SIGLEC12: variants seen among roughly 807,000 people sequenced by gnomAD.
The protein encoded by SIGLEC12 is sialic acid-binding Ig-like lectin 12.
In SIGLEC12, 43 loss-of-function variants were observed where a neutral mutation model predicts 54.1. The observed-to-expected ratio is 0.80, with a 90% CI of 0.62 to 1.03. SIGLEC12 has a LOEUF of 1.03. SIGLEC12 is among the 50% of genes least tolerant of loss of function. SIGLEC12 has a pLI of 0.00. For synonymous variants in SIGLEC12, 357 were observed against 307.6 expected, an observed-to-expected ratio of 1.16 and a Z score of -1.68; for missense variants, 802 against 735.2, an observed-to-expected ratio of 1.09 and a Z score of -1.05.
Position 51,498,081 on chromosome 19 carries a change from C to A in SIGLEC12, c.1342G>T (p.Ala448Ser), listed in dbSNP as rs1201167300. The change falls in exon 5 of 8, where the codon GCT becomes TCT. Residue 448 changes from alanine to serine, a missense_variant. Transcript: ENST00000291707. ...VKDEGEFTCR[A>S]QNPLGSQHIS... ...TGCTGGGAGCCTAGAGGGTTCTGAG[C>A]TCGGCAGGTGAATTCCCCTTCATCC... 1.9e-6 allele frequency: 3 copies of A among 1,614,124 alleles called. No individual in the cohort carries two copies. The highest frequency in any genetic ancestry group is 2.5e-6 in the Non-Finnish European group (3 of 1,180,046).
chr19:51,500,903 A>G (rs1990375598), intron 1 of SIGLEC12, among the ~76,000 whole-genome samples: 1 of 151,942 alleles, frequency 6.6e-6, no homozygotes, highest in South Asian at 2.1e-4. Flanking sequence ...GGGAGGACTT[A>G]ACCCCCCAGG....
rs747328721 is a variant in SIGLEC12, at chr19:51,495,169, G to GTGGA, written c.1599+1707_1599+1710dup. On this transcript the variant is annotated intron_variant, in intron 7 of 7. Transcript: ENST00000291707. The stretch of plus-strand genomic sequence containing the variant: ...GATGGATGGATGGACGGGTGGGTGG[G>GTGGA]TGGATGGATGGATGGATGGATGGAT... Among the ~76,000 whole-genome samples the GTGGA allele has an allele frequency of 2.7e-3, 268 of 99,732 alleles. 9 individuals are homozygous for GTGGA. Among genetic ancestry groups the GTGGA allele is most frequent in the South Asian group, 8.5e-3 (20 of 2,354 alleles). The allele number at this position is 99,732 out of a possible 152,430, so 65.4% of individuals were successfully genotyped here.
rs781156649 is a variant in SIGLEC12, at chr19:51,501,719, C to G, written c.15G>C (p.Leu5=). ...CACAGAGCAGGGGTGGCAGCAGTAG[C>G]AGCAGCAGTAGCATGTGTCGGGTTG... MLLL[L]LLLPPLLCGR... The change falls in exon 1 of 8, where the codon CTG becomes CTC. Residue 5 remains leucine, a synonymous_variant. Coordinates refer to ENST00000291707, the MANE Select transcript of SIGLEC12 (RefSeq NM_053003.4). 7.5e-6 allele frequency: 12 copies of G among 1,607,824 alleles called. No individual in the cohort carries two copies. The highest frequency in any genetic ancestry group is 5.0e-5 in the Admixed American group (3 of 59,622).
Position 51,497,457 on chromosome 19 carries a change from T to C in SIGLEC12, c.1406-12A>G. The C allele has an allele frequency of 6.2e-7, 1 of 1,600,554 alleles. No homozygotes were observed. Among genetic ancestry groups the C allele is most frequent in the African/African-American group, 1.3e-5 (1 of 74,692 alleles). On this transcript the variant is annotated splice_polypyrimidine_tract_variant and intron_variant, in intron 5 of 7. Coordinates refer to ENST00000291707, the MANE Select transcript of SIGLEC12 (RefSeq NM_053003.4). ...AGGCCTCATTTTGCCTGAGGATGGA[T>C]TGGAGTTGTTTTGGGGTTTACCCTC...
At position 51,495,249 on chromosome 19, in the gene SIGLEC12, ACGGGTGGGTGGG is replaced by A. The variant is rs1435236318; in HGVS notation, c.1599+1619_1599+1630del. On this transcript the variant is annotated intron_variant, in intron 7 of 7. Coordinates refer to ENST00000291707, the MANE Select transcript of SIGLEC12 (RefSeq NM_053003.4). ...GATGGATGGATGGATGGATGGATGG[ACGGGTGGGTGGG>A]TGGATGGATGGATGGATGGATGGAT... is the stretch of plus-strand genomic sequence containing the variant. 1.3e-3 allele frequency among the ~76,000 whole-genome samples: 166 copies of A among 127,406 alleles called. 2 individuals are homozygous for A. Among genetic ancestry groups the A allele is most frequent in the African/African-American group, 1.8e-3 (60 of 33,672 alleles). The allele number at this position is 127,406 out of a possible 152,430, so 83.6% of individuals were successfully genotyped here. A position where few individuals can be genotyped will look rare whatever the true frequency, so the allele number is the denominator to read the frequency against.
intron 1 of SIGLEC12, 139 bp downstream of exon 1, chr19:51,501,168 G>A (rs1599957800): frequency 2.2e-6 from 2 of 902,048 alleles, no homozygotes; most frequent in East Asian, 4.9e-5. Context: ...TGCGGTCCTG[G>A]GGAAGCTCAG....
intron 7 of SIGLEC12, among the ~76,000 whole-genome samples, chr19:51,495,815 GA>G (rs1990228202): frequency 6.6e-6 from 1 of 152,080 alleles, no homozygotes; most frequent in South Asian, 2.1e-4. Context: ...TCTGCTACTC[GA>G]AACCTTCCAC....
At chr19:51,500,993 G>A (rs181542265) in intron 1 of SIGLEC12, among the ~76,000 whole-genome samples, 1 of 152,114 alleles carries the variant, frequency 6.6e-6, no homozygotes, top group South Asian at 2.1e-4. Flanking sequence ...GGAGAGGCCT[G>A]GGATGGTGCT....
chr19:51,501,288 C>G lies in SIGLEC12; in HGVS notation c.427+19G>C, dbSNP rs751349659. 6 of 1,612,894 alleles carry G rather than the reference C, an allele frequency of 3.7e-6. No individual in the cohort carries two copies. In the East Asian group the frequency reaches 6.7e-5, roughly 18 times the overall value. On this transcript the variant is annotated intron_variant, in intron 1 of 7. Coordinates refer to ENST00000291707, the MANE Select transcript of SIGLEC12 (RefSeq NM_053003.4). ...CTCATCACATTTGCCTTTGGCCTCT[C>G]TTGGAGCCCGTGCCTTACCTGTCAC... is the stretch of plus-strand genomic sequence containing the variant.
rs536992765 is a variant in SIGLEC12, at chr19:51,500,117, G to A, written c.611C>T (p.Ala204Val). ...CACTTTTCCACTTGGGGTGTTTGTG[G>A]CCACTGGAATATCCCATGGTATATC... ...GADIPWDIPVATNTPSGKVQE... is the reference protein window; with the variant it reads ...GADIPWDIPVVTNTPSGKVQE... The change falls in exon 2 of 8, where the codon GCC becomes GTC. Residue 204 changes from alanine to valine, a missense_variant. Coordinates refer to ENST00000291707, the MANE Select transcript of SIGLEC12 (RefSeq NM_053003.4). 6.2e-7 allele frequency: 1 copy of A among 1,614,120 alleles called. No homozygotes were observed. The highest frequency in any genetic ancestry group is 8.5e-7 in the Non-Finnish European group (1 of 1,180,016).
intron 7 of SIGLEC12, among the ~76,000 whole-genome samples, chr19:51,493,901 C>T (rs1326991872): frequency 1.3e-5 from 2 of 152,250 alleles, no homozygotes; most frequent in African/African-American, 2.4e-5. Flanking sequence ...ATCATGGTCT[C>T]TTGCACAAAA....
intron 4 of SIGLEC12, among the ~76,000 whole-genome samples, 168 bp from the exon 5 acceptor site, chr19:51,498,455 T>C (rs1990302819): frequency 6.6e-6 from 1 of 152,230 alleles, no homozygotes; most frequent in African/African-American, 2.4e-5. Context: ...CCATCTTTAA[T>C]TAGAACAATT....
At chr19:51,499,298 G>A (rs1210248592) in intron 3 of SIGLEC12, 81 bp from the exon 4 acceptor site, 1 of 1,588,250 alleles carries the variant, frequency 6.3e-7, no homozygotes, top group East Asian at 2.2e-5. Context: ...CCCATAAATG[G>A]GGAAGGTGGA....
At position 51,500,198 on chromosome 19, in the gene SIGLEC12, T is replaced by C. The variant is rs1388677967; in HGVS notation, c.530A>G (p.His177Arg). 2 of 1,613,898 alleles carry C rather than the reference T, an allele frequency of 1.2e-6. No individual in the cohort carries two copies. The highest frequency in any genetic ancestry group is 1.3e-5 in the African/African-American group (1 of 74,846). The stretch of plus-strand genomic sequence containing the variant: ...AGGGCTAGAGGCAGTCCAGTTGTAA[T>C]GGGGGTAAAGGACACTGCAGGGCAC... ...VSVPCSVLYPHYNWTASSPVY... is the reference protein window; with the variant it reads ...VSVPCSVLYPRYNWTASSPVY... The change falls in exon 2 of 8, where the codon CAT becomes CGT. Residue 177 changes from histidine to arginine, a missense_variant. Transcript: ENST00000291707.
Position 51,491,550 on chromosome 19 carries a change from T to C in SIGLEC12, c.*91A>G. ...AGTTCTGATGTCCTGTTGCACAGCA[T>C]GGAGGGCTGTTAATTCTAAAGGAAT... On this transcript the variant is annotated 3_prime_UTR_variant, in exon 8 of 8. Transcript: ENST00000291707. 1 of 1,249,322 alleles carries C rather than the reference T, an allele frequency of 8.0e-7. No individual in the cohort carries two copies. The highest frequency in any genetic ancestry group is 1.2e-6 in the Non-Finnish European group (1 of 861,828). The allele number at this position is 1,249,322 out of a possible 1,614,324, so 77.4% of individuals were successfully genotyped here.
At chr19:51,493,786 A>G (rs2122205448) in intron 7 of SIGLEC12, among the ~76,000 whole-genome samples, 1 of 152,276 alleles carries the variant, frequency 6.6e-6, no homozygotes, top group East Asian at 1.9e-4. Context: ...CCTGCCTGAG[A>G]TGTTCACCAG....
At position 51,498,900 on chromosome 19, in the gene SIGLEC12, G is replaced by A. The variant is rs141075666; in HGVS notation, c.1135+270C>T. Among the ~76,000 whole-genome samples, 500 of 152,326 alleles carry A rather than the reference G, an allele frequency of 3.3e-3. 2 individuals carry two copies. Among genetic ancestry groups the A allele is most frequent in the Admixed American group, 6.5e-3 (100 of 15,306 alleles). ...TAAAAGGATGAGGCAATATTCAGGA[G>A]CTGGAAGATAAGAGTCCTCAAATCC... On this transcript the variant is annotated intron_variant, in intron 4 of 7. Transcript: ENST00000291707.
Position 51,498,113 on chromosome 19 carries a change from T to A in SIGLEC12, c.1310A>T (p.His437Leu). 3.1e-6 allele frequency: 5 copies of A among 1,614,216 alleles called. No homozygotes were observed. The highest frequency in any genetic ancestry group is 4.2e-6 in the Non-Finnish European group (5 of 1,180,024). The change falls in exon 5 of 8, where the codon CAT becomes CTT. Residue 437 changes from histidine to leucine, a missense_variant. Transcript: ENST00000291707. ...GGTGAATTCCCCTTCATCCTTCACA[T>A]GCACTCGAGGCAGCTCCAGCACCCC... ...NLGVLELPRV[H>L]VKDEGEFTCR...
At chr19:51,496,814 A>C (rs981040875) in intron 7 of SIGLEC12, 66 bp downstream of exon 7, 3 of 1,542,610 alleles carry the variant, frequency 1.9e-6, no homozygotes, top group African/African-American at 1.4e-5. Context: ...GTGAGGAAGT[A>C]ATCCCCTTCC....
Sources: allele counts gnomAD v4.1 joint callset (sites outside exome capture counted in the v4.1 genomes callset), GRCh38; gene constraint gnomAD v4.1.1; transcripts MANE v1.5; gene names NCBI Gene and HGNC (gene_info 2026-07-23, HGNC 2026-07-21).